The following ZSCAN25 variants were observed in gnomAD, a reference collection of about 807,000 sequenced individuals.
ZSCAN25 encodes zinc finger and SCAN domain-containing protein 25.
In ZSCAN25, 27 loss-of-function variants were observed where a neutral mutation model predicts 38.7. The ratio of observed to expected loss-of-function variants is 0.70; its 90% CI spans 0.51 to 0.96. The LOEUF (loss-of-function observed/expected upper bound fraction) is 0.96. Ranked by LOEUF, ZSCAN25 falls within the 40% of genes least tolerant of loss-of-function variation. The pLI is 0.00. For synonymous variants in ZSCAN25, 273 were observed against 277.7 expected, an observed-to-expected ratio of 0.98 and a Z score of 0.17; for missense variants, 637 against 705.9, an observed-to-expected ratio of 0.90 and a Z score of 1.11.
the ZSCAN25 span, among the ~76,000 whole-genome samples, chr7:99,669,635 C>T: frequency 6.6e-6 from 1 of 152,044 alleles, no homozygotes; most frequent in African/African-American, 2.4e-5. Flanking sequence ...AAATTTTATG[C>T]TTTGGTGATG....
the ZSCAN25 span, among the ~76,000 whole-genome samples, chr7:99,728,219 A>G: frequency 1.3e-5 from 2 of 152,150 alleles, no homozygotes; most frequent in African/African-American, 2.4e-5. Context: ...TTGTCATTTC[A>G]TGACCTCTTC....
chr7:99,624,788 G>A (rs1374075229), intron 7 of ZSCAN25, among the ~76,000 whole-genome samples: 1 of 152,260 alleles, frequency 6.6e-6, no homozygotes, highest in East Asian at 1.9e-4. Context: ...CTCATGGGAG[G>A]AGGAGCAGCG....
chr7:99,672,286 G>A, the ZSCAN25 span, among the ~76,000 whole-genome samples: 1 of 152,056 alleles, frequency 6.6e-6, no homozygotes, highest in Non-Finnish European at 1.5e-5. Flanking sequence ...TCCTGACCTC[G>A]TGATCCACCT....
chr7:99,636,153 C>G (rs1347495027), downstream of ZSCAN25, among the ~76,000 whole-genome samples: 1 of 151,292 alleles, frequency 6.6e-6, no homozygotes, highest in Non-Finnish European at 1.5e-5. Flanking sequence ...GTTACTATAG[C>G]ATTGATGTTG....
the ZSCAN25 span, among the ~76,000 whole-genome samples, chr7:99,728,126 A>G: frequency 6.6e-6 from 1 of 152,118 alleles, no homozygotes; most frequent in African/African-American, 2.4e-5. Context: ...GTTTCCATCT[A>G]TCAATCCCTC....
chr7:99,678,690 A>C, the ZSCAN25 span, among the ~76,000 whole-genome samples: 1 of 152,246 alleles, frequency 6.6e-6, no homozygotes, highest in African/African-American at 2.4e-5. Flanking sequence ...AAATGAATGA[A>C]TTTAAACCAT....
Position 99,624,183 on chromosome 7 carries a change from A to G in ZSCAN25, c.805+3A>G. 1 of 1,613,402 alleles carries G rather than the reference A, an allele frequency of 6.2e-7. No individual in the cohort carries two copies. The highest frequency in any genetic ancestry group is 8.5e-7 in the Non-Finnish European group (1 of 1,179,864). On this transcript the variant is annotated splice_donor_region_variant and intron_variant, in intron 7 of 7. Coordinates refer to ENST00000394152, the MANE Select transcript of ZSCAN25 (RefSeq NM_145115.3). ...GCAGGACTGCAGGGTCTCTCCAGGT[A>G]AGACTGTCTCCACCCACAGGTGAGG...
At chr7:99,667,054 T>C in the ZSCAN25 span, 1 of 1,613,986 alleles carries the variant, frequency 6.2e-7, no homozygotes, top group South Asian at 1.1e-5. Context: ...TAAATCCCAC[T>C]GGGCCTAAAG....
chr7:99,704,795 G>A, the ZSCAN25 span, among the ~76,000 whole-genome samples: 1 of 151,870 alleles, frequency 6.6e-6, no homozygotes, highest in Admixed American at 6.6e-5. Context: ...AACTCCGTCT[G>A]TACTAAAAAT....
At chr7:99,709,014 C>T in the ZSCAN25 span, 8 of 1,613,788 alleles carry the variant, frequency 5.0e-6, no homozygotes, top group South Asian at 3.3e-5. Context: ...AGGGAGGGCT[C>T]CCTTCCCAGG....
At chr7:99,623,004 C>A (rs1039207239) in intron 6 of ZSCAN25, among the ~76,000 whole-genome samples, 3 of 152,174 alleles carry the variant, frequency 2.0e-5, no homozygotes, top group Non-Finnish European at 4.4e-5. Flanking sequence ...GACGGGGTTT[C>A]ACCGTGTTAG....
intron 7 of ZSCAN25, chr7:99,624,497 A>G (rs1807289153): frequency 3.0e-6 from 1 of 329,226 alleles, no homozygotes; most frequent in Non-Finnish European, 5.8e-6. Flanking sequence ...ACAGCAAAAG[A>G]TGGGGCATCT....
the ZSCAN25 span, among the ~76,000 whole-genome samples, chr7:99,654,585 G>A: frequency 6.6e-6 from 1 of 152,178 alleles, no homozygotes; most frequent in Non-Finnish European, 1.5e-5. Context: ...ATAATCCTTT[G>A]GGTATATACC....
chr7:99,642,617 T>A, the ZSCAN25 span, among the ~76,000 whole-genome samples: 1 of 152,356 alleles, frequency 6.6e-6, no homozygotes, highest in East Asian at 1.9e-4. Flanking sequence ...TTTAATTACA[T>A]AGCAATAGAT....
chr7:99,722,923 C>T, the ZSCAN25 span, among the ~76,000 whole-genome samples: 2 of 152,250 alleles, frequency 1.3e-5, no homozygotes, highest in Admixed American at 6.5e-5. Context: ...AAAGTGGACT[C>T]GCTTTCCAGT....
the ZSCAN25 span, chr7:99,663,739 T>A: frequency 1.7e-6 from 2 of 1,188,004 alleles, no homozygotes; most frequent in Non-Finnish European, 2.1e-6. Context: ...GTTTATATCA[T>A]GACATACTAA....
Position 99,630,238 on chromosome 7 carries a change from G to C in ZSCAN25, c.*218G>C. 4 of 1,349,672 alleles carry C rather than the reference G, an allele frequency of 3.0e-6. No homozygotes were observed. Among genetic ancestry groups the C allele is most frequent in the Non-Finnish European group, 3.8e-6 (4 of 1,056,222 alleles). The allele number at this position is 1,349,672 out of a possible 1,614,324, so 83.6% of individuals were successfully genotyped here. A position where few individuals can be genotyped will look rare whatever the true frequency, so the allele number is the denominator to read the frequency against. ...CTAAACAATTTTTCTTCCAATGTTTGAGGGAAGCAGTCTCCTGCGGTTCAG... is the reference window on the plus strand; with the variant it reads ...CTAAACAATTTTTCTTCCAATGTTTCAGGGAAGCAGTCTCCTGCGGTTCAG... On this transcript the variant is annotated 3_prime_UTR_variant, in exon 8 of 8. Transcript: ENST00000394152.
At chr7:99,718,231 C>A in the ZSCAN25 span, among the ~76,000 whole-genome samples, 1 of 151,994 alleles carries the variant, frequency 6.6e-6, no homozygotes, top group South Asian at 2.1e-4. Flanking sequence ...ATGTAACAAA[C>A]CTGCACGTTG....
At chr7:99,665,267 C>T in the ZSCAN25 span, 2 of 1,614,092 alleles carry the variant, frequency 1.2e-6, no homozygotes, top group Non-Finnish European at 1.7e-6. Context: ...GATGTTCACT[C>T]CAAATGATGT....
Sources: gnomAD v4.1 joint callset for allele counts (sites outside exome capture counted in the v4.1 genomes callset) on GRCh38, gnomAD v4.1.1 for gene constraint, MANE v1.5 for transcripts, NCBI Gene and HGNC (gene_info 2026-07-23, HGNC 2026-07-21) for gene names.